The following ZBTB46 variants were observed in gnomAD, a reference collection of about 807,000 sequenced individuals.
ZBTB46 encodes zinc finger and BTB domain containing 46.
In ZBTB46, 8 loss-of-function variants were observed where a neutral mutation model predicts 44.1. The observed-to-expected ratio is 0.18, with a 90% CI of 0.11 to 0.33. ZBTB46 has a LOEUF of 0.33. ZBTB46 is among the 10% of genes least tolerant of loss of function. The probability of loss-of-function intolerance (pLI) is 1.00; values close to 1 mark genes in which losing one functional copy is unlikely to be tolerated. For synonymous variants in ZBTB46, 409 were observed against 382.3 expected (o/e 1.07, Z -0.81); for missense variants, 651 against 847.7 (o/e 0.77, Z 2.88).
chr20:63,789,400 C>T (rs1355595278), intron 2 of ZBTB46, among the ~76,000 whole-genome samples: 2 of 152,198 alleles, frequency 1.3e-5, no homozygotes, highest in African/African-American at 2.4e-5. Context: ...CCCTGGCAAG[C>T]GGCCAGTCGA....
At chr20:63,800,974 T>C (rs1016594942) in intron 1 of ZBTB46, among the ~76,000 whole-genome samples, 1 of 152,200 alleles carries the variant, frequency 6.6e-6, no homozygotes, top group African/African-American at 2.4e-5. Flanking sequence ...CCGGATCCAC[T>C]CGGTGAAGAC....
chr20:63,804,760 G>C (rs1249846060), intron 1 of ZBTB46, among the ~76,000 whole-genome samples: 3 of 151,744 alleles, frequency 2.0e-5, no homozygotes, highest in African/African-American at 7.3e-5. Context: ...GGCGTGGTGG[G>C]GGGCGCCTGT....
intron 1 of ZBTB46, among the ~76,000 whole-genome samples, chr20:63,794,814 C>T (rs73622894): frequency 7.6e-6 from 1 of 132,066 alleles, no homozygotes; most frequent in Non-Finnish European, 1.7e-5. Context: ...CGGACACACC[C>T]CTGGCCACAG....
At chr20:63,788,346 T>C (rs2145919131) in intron 2 of ZBTB46, 1 of 152,340 alleles carries the variant, frequency 6.6e-6, no homozygotes, top group East Asian at 1.9e-4. Flanking sequence ...CCCACAATTA[T>C]TATTAATATC....
At chr20:63,777,428 C>T (rs13043476) in intron 2 of ZBTB46, among the ~76,000 whole-genome samples, 15,213 of 152,246 alleles carry the variant, frequency 0.1, 1,180 homozygotes, top group East Asian at 0.44. Context: ...GATCGAGCCA[C>T]TGTACTCCAG....
chr20:63,747,320 G>T lies in ZBTB46; in HGVS notation c.1399-19C>A, dbSNP rs1445966962. The T allele has an allele frequency of 9.7e-6, 14 of 1,444,886 alleles. 1 individual carries two copies. The highest frequency in any genetic ancestry group is 5.0e-5 in the Admixed American group (2 of 40,350). The allele number at this position is 1,444,886 out of a possible 1,614,324, so 89.5% of individuals were successfully genotyped here. On this transcript the variant is annotated intron_variant, in intron 4 of 4. Transcript: ENST00000245663. ...TGTGGACCTGCAGAGGCAGGGCAGG[G>T]GGTGAGCAGGGCCTGGTGGGTTGGG...
intron 3 of ZBTB46, among the ~76,000 whole-genome samples, chr20:63,765,383 C>T (rs1190926740): frequency 5.9e-5 from 9 of 152,170 alleles, no homozygotes; most frequent in Admixed American, 5.2e-4. Flanking sequence ...AGGATCACAG[C>T]GTTGTCCCAC....
At chr20:63,827,500 C>T (rs898889594) in intron 1 of ZBTB46, among the ~76,000 whole-genome samples, 2 of 150,908 alleles carry the variant, frequency 1.3e-5, no homozygotes, top group East Asian at 3.9e-4. Context: ...CCCAGCTACT[C>T]GGGAGGCTGA....
intron 1 of ZBTB46, among the ~76,000 whole-genome samples, chr20:63,793,037 C>T (rs1157414778): frequency 1.3e-5 from 2 of 152,142 alleles, no homozygotes; most frequent in East Asian, 1.9e-4. Context: ...ACTTCCTGCC[C>T]GCCGGGCACG....
At chr20:63,760,567 C>A (rs920464817) in intron 3 of ZBTB46, among the ~76,000 whole-genome samples, 101 of 151,942 alleles carry the variant, frequency 6.6e-4, no homozygotes, top group Non-Finnish European at 9.9e-4. Context: ...CTGGGTTCTC[C>A]TGCCTCAGCC....
intron 1 of ZBTB46, among the ~76,000 whole-genome samples, chr20:63,798,890 G>T (rs891160636): frequency 6.6e-6 from 1 of 151,386 alleles, no homozygotes; most frequent in Admixed American, 6.6e-5. Context: ...CCATTTTAAA[G>T]TGGAAGCAAG....
intron 4 of ZBTB46, among the ~76,000 whole-genome samples, chr20:63,751,987 C>G (rs775137121): frequency 6.6e-6 from 1 of 152,124 alleles, no homozygotes; most frequent in South Asian, 2.1e-4. Flanking sequence ...CACCTCTGCC[C>G]GGAGCCCGGG....
chr20:63,811,102 C>T (rs918504288), intron 1 of ZBTB46, among the ~76,000 whole-genome samples: 1 of 152,218 alleles, frequency 6.6e-6, no homozygotes, highest in Non-Finnish European at 1.5e-5. Context: ...CAGAACCCCA[C>T]AGGATGGGCA....
intron 3 of ZBTB46, among the ~76,000 whole-genome samples, chr20:63,771,251 G>A (rs1195882163): frequency 6.6e-6 from 1 of 151,822 alleles, no homozygotes; most frequent in Non-Finnish European, 1.5e-5. Context: ...GCTCAGGGGC[G>A]CATTTCCAGA....
chr20:63,803,676 T>G lies in ZBTB46; in HGVS notation c.-33-12886A>C, dbSNP rs1028951091. ...GCCCGGCTCTGACGCCCAGGCCGCC[T>G]CCTCCGCCTTCCCGAACCTGGCTAC... On this transcript the variant is annotated intron_variant, in intron 1 of 4. Transcript: ENST00000245663. This position sits in a 1 kb window ranked among gnomAD's most constrained non-coding sequence, Gnocchi z 4.0. 1.3e-5 allele frequency among the ~76,000 whole-genome samples: 2 copies of G among 151,106 alleles called. No homozygotes were observed. Among genetic ancestry groups the G allele is most frequent in the Middle Eastern group, 3.2e-3 (1 of 316 alleles).
intron 1 of ZBTB46, among the ~76,000 whole-genome samples, chr20:63,822,494 A>G (rs1568909281): frequency 6.6e-6 from 1 of 152,174 alleles, no homozygotes; most frequent in African/African-American, 2.4e-5. Flanking sequence ...TTTCAGTACA[A>G]TGGGTTCCGT....
Position 63,744,231 on chromosome 20 carries a change from TCA to T in ZBTB46, c.*2697_*2698del, listed in dbSNP as rs566575665. On this transcript the variant is annotated 3_prime_UTR_variant, in exon 5 of 5. Coordinates refer to ENST00000245663, the MANE Select transcript of ZBTB46 (RefSeq NM_001369741.1). ...AAAAAGTTCCAGTTTTTGCATTTTC[TCA>T]GTTTTTTAAAGAGGAAGATGTGCAA... 50 of 152,312 alleles carry T rather than the reference TCA, an allele frequency of 3.3e-4. No individual in the cohort carries two copies. In the East Asian group the frequency reaches 8.3e-3, roughly 25 times the overall value. The allele number at this position is 152,312 out of a possible 1,614,324, so 9.4% of individuals were successfully genotyped here.
At chr20:63,777,004 G>T (rs980030412) in intron 2 of ZBTB46, among the ~76,000 whole-genome samples, 1 of 150,578 alleles carries the variant, frequency 6.6e-6, no homozygotes, top group African/African-American at 2.4e-5. Context: ...CACACAATAC[G>T]GTTCCAGCAC....
chr20:63,755,817 T>G (rs566598986), intron 3 of ZBTB46, among the ~76,000 whole-genome samples: 1 of 152,268 alleles, frequency 6.6e-6, no homozygotes, highest in East Asian at 1.9e-4. Context: ...TAAAGTCCAT[T>G]TGGTAACAGG....
Sources: allele counts gnomAD v4.1 joint callset (sites outside exome capture counted in the v4.1 genomes callset), GRCh38; gene constraint gnomAD v4.1.1; non-coding constraint Gnocchi (gnomAD v3.1); transcripts MANE v1.5; gene names NCBI Gene and HGNC (gene_info 2026-07-23, HGNC 2026-07-21).